The following CELF6 variants were observed in gnomAD, a reference collection of about 807,000 sequenced individuals.
The protein encoded by CELF6 is Bruno -like 6, RNA binding protein.
Under a neutral mutation model 53.1 loss-of-function variants are expected in CELF6, and 32 were observed. The ratio of observed to expected loss-of-function variants is 0.60; its 90% CI spans 0.46 to 0.81. The LOEUF (loss-of-function observed/expected upper bound fraction) is 0.81, where lower values mean the gene tolerates loss of function less well. Among genes scored for constraint, CELF6 ranks in the 30% least tolerant of loss-of-function variants. The pLI is 0.00. For synonymous variants in CELF6, 291 were observed against 288.8 expected (o/e 1.01, Z -0.08); for missense variants, 539 against 669.5 (o/e 0.81, Z 2.15).
At chr15:72,310,031 C>G (rs1008957352) in intron 2 of CELF6, among the ~76,000 whole-genome samples, 3 of 152,178 alleles carry the variant, frequency 2.0e-5, no homozygotes, top group African/African-American at 7.2e-5. Context: ...CCCCAGTGAG[C>G]AGAAGGGAGA....
rs1344076705 is a variant in CELF6 at position 72,319,786 on chromosome 15, C to T, written c.89G>A (p.Ser30Asn). ...TACGGCGGGACCGGGGTTTAGCCCGCTCATGCCGACGCCGCTGTCCGCGGT... is the reference window on the plus strand; with the variant it reads ...TACGGCGGGACCGGGGTTTAGCCCGTTCATGCCGACGCCGCTGTCCGCGGT... ...FSTADSGVGM[S>N]GLNPGPAVPM... is the part of the protein sequence containing the mutation. The change falls in exon 1 of 13, where the codon AGC (serine) becomes AAC (asparagine). Residue 30 changes from serine (S) to asparagine (N), a missense_variant. Coordinates refer to ENST00000287202, the MANE Select transcript of CELF6 (RefSeq NM_052840.5). The surrounding 1 kb of genome is among the most constrained non-coding windows in gnomAD (Gnocchi z 5.0). 1 of 1,567,872 alleles carries T rather than the reference C, an allele frequency of 6.4e-7. No homozygotes were observed. Among genetic ancestry groups the T allele is most frequent in the South Asian group, 1.2e-5 (1 of 85,782 alleles).
At chr15:72,287,149 G>A in intron 12 of CELF6, 88 bp downstream of exon 12, 2 of 1,227,278 alleles carry the variant, frequency 1.6e-6, no homozygotes, top group Non-Finnish European at 1.1e-6. Context: ...AGAGGTGGGT[G>A]CCTCCAAGGT....
In CELF6 at chr15:72,289,797, G is replaced by C; in HGVS notation, c.604-27C>G. 6.9e-7 allele frequency: 1 copy of C among 1,448,428 alleles called. No individual in the cohort carries two copies. The highest frequency in any genetic ancestry group is 9.0e-7 in the Non-Finnish European group (1 of 1,105,350). 89.7% of individuals were successfully genotyped at this position (1,448,428 alleles called of 1,614,324 possible). ...TGGGCAGGGCAGGGGAGGCCGTGGT[G>C]ACCGGTCCTGACCCTGGCCCCGGCC... On this transcript the variant is annotated intron_variant, in intron 5 of 12. Transcript: ENST00000287202. This position sits in a 1 kb window ranked among gnomAD's most constrained non-coding sequence, Gnocchi z 7.6.
At chr15:72,302,732 C>T (rs1485014483) in intron 3 of CELF6, among the ~76,000 whole-genome samples, 4 of 152,218 alleles carry the variant, frequency 2.6e-5, no homozygotes, top group Non-Finnish European at 4.4e-5. Flanking sequence ...AATTGCACCA[C>T]GTTCTTCTGA....
At position 72,315,855 on chromosome 15, in the gene CELF6, G is replaced by T; in HGVS notation, c.335C>A (p.Thr112Asn). ...KAQSALHEQK[T>N]LPGMNRPIQV... Reference sequence around the variant, plus strand: ...ACCTGGAGGACTTACCCCTGGCAGGGTCTTCTGCTCGTGCAGTGCACTCTG... The same window carrying T: ...ACCTGGAGGACTTACCCCTGGCAGGTTCTTCTGCTCGTGCAGTGCACTCTG... Residue 112 changes from threonine to asparagine, a missense_variant, in exon 2 of 13, where the codon ACC becomes AAC. Transcript: ENST00000287202. 1.2e-6 allele frequency: 2 copies of T among 1,600,668 alleles called. No homozygotes were observed. Among genetic ancestry groups the T allele is most frequent in the Non-Finnish European group, 1.7e-6 (2 of 1,173,828 alleles).
At chr15:72,304,894 C>A (rs945614895) in intron 2 of CELF6, 100 bp from the exon 3 acceptor site, 4 of 1,012,496 alleles carry the variant, frequency 4.0e-6, no homozygotes, top group African/African-American at 3.2e-5. Context: ...GAGCCCTAGC[C>A]CCTTTGAACT....
At position 72,320,094 on chromosome 15, in the gene CELF6, G is replaced by A. The variant is rs889360140; in HGVS notation, c.-220C>T. On this transcript the variant is annotated 5_prime_UTR_variant, in exon 1 of 13. Coordinates refer to ENST00000287202, the MANE Select transcript of CELF6 (RefSeq NM_052840.5). ...CGGGGCGGGCCCGGGCCGAGGTGGC[G>A]GCTGAACGCTGGGGTCTGGCTTGAG... 1.1e-5 allele frequency: 7 copies of A among 654,952 alleles called. No homozygotes were observed. The African/African-American group carries it at 1.3e-4, about 12-fold the overall frequency. The allele number at this position is 654,952 out of a possible 1,614,324, so 40.6% of individuals were successfully genotyped here.
chr15:72,291,750 A>G (rs1302299690), intron 3 of CELF6, among the ~76,000 whole-genome samples: 1 of 152,106 alleles, frequency 6.6e-6, no homozygotes, highest in East Asian at 1.9e-4. Flanking sequence ...TGACGATGCT[A>G]TGTCTGTGTG....
chr15:72,305,628 G>A (rs113303359), intron 2 of CELF6, among the ~76,000 whole-genome samples: 90 of 152,266 alleles, frequency 5.9e-4, no homozygotes, highest in Non-Finnish European at 8.8e-4. Flanking sequence ...AGTTTTCCAA[G>A]GTGCCGTTCT....
chr15:72,293,032 A>T (rs972928527), intron 3 of CELF6, among the ~76,000 whole-genome samples: 9 of 151,932 alleles, frequency 5.9e-5, no homozygotes, highest in Admixed American at 3.3e-4. Flanking sequence ...AACTAAAAAA[A>T]TTTTTTTTTC....
chr15:72,287,213 A>G (rs1050474881), intron 12 of CELF6, 24 bp downstream of exon 12: 153 of 1,599,978 alleles, frequency 9.6e-5, no homozygotes, highest in Non-Finnish European at 1.2e-4. Context: ...GGCCTCATCT[A>G]CCTGGGGTCC....
At chr15:72,292,168 C>G in intron 3 of CELF6, 1 of 1,498,964 alleles carries the variant, frequency 6.7e-7, no homozygotes. Context: ...CCTAGAGGGG[C>G]TCCAAGGAAA....
chr15:72,310,677 G>A (rs2088283647), intron 2 of CELF6, among the ~76,000 whole-genome samples: 1 of 151,702 alleles, frequency 6.6e-6, no homozygotes, highest in Admixed American at 6.6e-5. Flanking sequence ...CTTTTGTAGA[G>A]ACGGGGTCTC....
intron 3 of CELF6, among the ~76,000 whole-genome samples, chr15:72,299,750 G>A (rs780822838): frequency 2.0e-5 from 3 of 152,184 alleles, no homozygotes; most frequent in Admixed American, 6.5e-5. Flanking sequence ...TCCTTTAATA[G>A]TGTACTGCTC....
In CELF6 at chr15:72,289,124, A is replaced by G. The variant is rs2087963961; in HGVS notation, c.1030+14T>C. ...CTCCATTTCGGGGGGATTTGGGCGGAGCGGGGGGCCCACCTGGATAAGGGG... is the reference window on the plus strand; with the variant it reads ...CTCCATTTCGGGGGGATTTGGGCGGGGCGGGGGGCCCACCTGGATAAGGGG... On this transcript the variant is annotated intron_variant, in intron 8 of 12. Transcript: ENST00000287202. The surrounding 1 kb of genome is among the most constrained non-coding windows in gnomAD (Gnocchi z 7.6). The G allele has an allele frequency of 2.0e-6, 3 of 1,509,754 alleles. No homozygotes were observed. In the South Asian group the frequency reaches 4.0e-5, roughly 20 times the overall value. The allele number at this position is 1,509,754 out of a possible 1,614,324, so 93.5% of individuals were successfully genotyped here. A position where few individuals can be genotyped will look rare whatever the true frequency, so the allele number is the denominator to read the frequency against.
At chr15:72,308,141 T>C (rs2088253088) in intron 2 of CELF6, among the ~76,000 whole-genome samples, 1 of 152,212 alleles carries the variant, frequency 6.6e-6, no homozygotes, top group Admixed American at 6.5e-5. Flanking sequence ...GAAGAGGGAA[T>C]CATGATCTTA....
intron 12 of CELF6, 44 bp downstream of exon 12, chr15:72,287,193 T>C: frequency 6.4e-7 from 1 of 1,552,854 alleles, no homozygotes; most frequent in Non-Finnish European, 8.7e-7. Context: ...TGGGAGGGCC[T>C]CATCACTCAG....
chr15:72,319,477 G>T lies in CELF6; in HGVS notation c.262+136C>A. 1 of 935,214 alleles carries T rather than the reference G, an allele frequency of 1.1e-6. No homozygotes were observed. The highest frequency in any genetic ancestry group is 1.5e-6 in the Non-Finnish European group (1 of 645,314). The allele number at this position is 935,214 out of a possible 1,614,324, so 57.9% of individuals were successfully genotyped here. A position where few individuals can be genotyped will look rare whatever the true frequency, so the allele number is the denominator to read the frequency against. On this transcript the variant is annotated intron_variant, in intron 1 of 12. Coordinates refer to ENST00000287202, the MANE Select transcript of CELF6 (RefSeq NM_052840.5). The surrounding 1 kb of genome is among the most constrained non-coding windows in gnomAD (Gnocchi z 5.0). ...GAGAAAATTCTGTGATCTGGGAAGG[G>T]GGCTGGGCTGAGGTGGGGCTGATAT...
chr15:72,294,854 T>A lies in CELF6; in HGVS notation c.395-4599A>T, dbSNP rs892647516. ...TTAGCCAGGCATGGTGGCATGTGTCTGTAGTCCCAGCTACTCGCAAGGCTG... is the reference window on the plus strand; with the variant it reads ...TTAGCCAGGCATGGTGGCATGTGTCAGTAGTCCCAGCTACTCGCAAGGCTG... On this transcript the variant is annotated intron_variant, in intron 3 of 12. Transcript: ENST00000287202. 1.3e-5 allele frequency among the ~76,000 whole-genome samples: 2 copies of A among 151,942 alleles called. 1 individual carries two copies. Among genetic ancestry groups the A allele is most frequent in the African/African-American group, 4.8e-5 (2 of 41,414 alleles).
Sources: allele counts gnomAD v4.1 joint callset (sites outside exome capture counted in the v4.1 genomes callset), GRCh38; gene constraint gnomAD v4.1.1; non-coding constraint Gnocchi (gnomAD v3.1); transcripts MANE v1.5; gene names NCBI Gene and HGNC (gene_info 2026-07-23, HGNC 2026-07-21).